Variants in SH3D21 observed in about 807,000 individuals in gnomAD.
SH3D21 encodes manchette microtubule inner protein 1, also known as SH3 domain-containing protein 21.
A neutral mutation model predicts 82.1 loss-of-function variants in SH3D21; 83 were observed. That is an observed-to-expected ratio of 1.01 (90% CI 0.85 to 1.21). SH3D21 has a LOEUF of 1.21. SH3D21 is among the 50% of genes most tolerant of loss of function. The pLI is 0.00. For missense variants in SH3D21, 980 were observed against 962.1 expected (o/e 1.02, Z -0.25); for synonymous variants, 383 against 387.8 (o/e 0.99, Z 0.15).
chr1:36,320,567 C>T lies in SH3D21; in HGVS notation c.1904C>T (p.Pro635Leu). 2 of 1,614,166 alleles carry T rather than the reference C, an allele frequency of 1.2e-6. No homozygotes were observed. Among genetic ancestry groups the T allele is most frequent in the South Asian group, 1.1e-5 (1 of 91,078 alleles). ...GAGGTGACCCTGAAAGAGGAATTGC[C>T]CCCTAAAGAGGAAGTGGCTCCAAAA... is the stretch of plus-strand genomic sequence containing the variant. ...KEEVTLKEEL[P>L]PKEEVAPKEE... The change falls in exon 14 of 16, where the codon CCC (proline) becomes CTC (leucine). Residue 635 changes from proline (P) to leucine (L), a missense_variant. Transcript: ENST00000453908.
In SH3D21 at chr1:36,320,498, T is replaced by A. The variant is rs764141190; in HGVS notation, c.1835T>A (p.Leu612Gln). The A allele has an allele frequency of 1.2e-6, 2 of 1,614,006 alleles. No homozygotes were observed. The highest frequency in any genetic ancestry group is 2.2e-5 in the South Asian group (2 of 91,084). ...GCGCCCCCCAACGAGCAGAGGCCTCTGAGAGAGGAGGTGCTCCCCAAAGAG... is the reference window on the plus strand; with the variant it reads ...GCGCCCCCCAACGAGCAGAGGCCTCAGAGAGAGGAGGTGCTCCCCAAAGAG... Reference protein sequence around the residue: ...EEAPPNEQRPLREEVLPKEGV... With the variant: ...EEAPPNEQRPQREEVLPKEGV... Residue 612 changes from leucine (L) to glutamine (Q), a missense_variant, in exon 14 of 16, where the codon CTG becomes CAG. Transcript: ENST00000453908.
chr1:36,322,228 TG>T, downstream of SH3D21: 1 of 1,414,856 alleles, frequency 7.1e-7, no homozygotes, highest in Non-Finnish European at 9.2e-7. Context: ...TCCGAAGGTG[TG>T]GGGTAGCTCT....
chr1:36,310,354 C>G (rs1180276501), intron 10 of SH3D21, among the ~76,000 whole-genome samples: 1 of 152,070 alleles, frequency 6.6e-6, no homozygotes, highest in African/African-American at 2.4e-5. Flanking sequence ...TGGTTCATGC[C>G]TGTAATCTCA....
chr1:36,315,285 A>G (rs1459741858), intron 10 of SH3D21, among the ~76,000 whole-genome samples: 2 of 151,970 alleles, frequency 1.3e-5, no homozygotes, highest in Non-Finnish European at 2.9e-5. Flanking sequence ...CAAAAAAAAA[A>G]ATCCTTCGCA....
At chr1:36,326,179 G>A (rs1646542343), downstream of SH3D21, among the ~76,000 whole-genome samples, 1 of 152,186 alleles carries the variant, frequency 6.6e-6, no homozygotes, top group South Asian at 2.1e-4. Flanking sequence ...AGTGGCAGGG[G>A]CTGCCCGTGC....
In SH3D21 at chr1:36,319,700, A is replaced by C. The variant is rs760132861; in HGVS notation, c.1037A>C (p.Lys346Thr). 8 of 1,592,694 alleles carry C rather than the reference A, an allele frequency of 5.0e-6. No individual in the cohort carries two copies. In the South Asian group the frequency reaches 8.0e-5, roughly 16 times the overall value. The change falls in exon 14 of 16, where the codon AAG (lysine) becomes ACG (threonine). Residue 346 changes from lysine (K) to threonine (T), a missense_variant. By Grantham distance (78) the Lys-to-Thr change is moderately conservative (BLOSUM62 -1). Coordinates refer to ENST00000453908, the MANE Select transcript of SH3D21 (RefSeq NM_001162530.2). ...SQEEEHSSPV[K>T]APSVKRTPMP... ...GAGGAAGAGCACAGCAGCCCGGTAA[A>C]GGCCCCCTCTGTGAAGAGAACCCCC... is the stretch of plus-strand genomic sequence containing the variant.
At position 36,307,314 on chromosome 1, in the gene SH3D21, G is replaced by T. The variant is rs914467196; in HGVS notation, c.345+29G>T. On this transcript the variant is annotated intron_variant, in intron 4 of 15. Coordinates refer to ENST00000453908, the MANE Select transcript of SH3D21 (RefSeq NM_001162530.2). The surrounding 1 kb of genome is among the most constrained non-coding windows in gnomAD (Gnocchi z 5.4). ...AGGGGTGAGGTGATGGGACCGTTTG[G>T]GGGAGGATGATGGAACGCGCCTCCC... 3 of 1,550,986 alleles carry T rather than the reference G, an allele frequency of 1.9e-6. No individual in the cohort carries two copies. The highest frequency in any genetic ancestry group is 1.7e-4 in the Middle Eastern group (1 of 6,012).
Position 36,320,607 on chromosome 1 carries a change from C to CA in SH3D21, c.1945dup (p.Ile649AsnfsTer38). On this transcript the variant is annotated frameshift_variant, in exon 14 of 16. Transcript: ENST00000453908. LOFTEE classifies it high-confidence loss of function. ...TGGCTCCAAAAGAGGAGGTGCCCCC[C>CA]ATAGAAAGAGCCTTTGCCCAAAAAA... 6.2e-7 allele frequency: 1 copy of CA among 1,614,242 alleles called. No individual in the cohort carries two copies. Among genetic ancestry groups the CA allele is most frequent in the Non-Finnish European group, 8.5e-7 (1 of 1,180,042 alleles).
At chr1:36,328,612 A>T, downstream of SH3D21, 1 of 185,774 alleles carries the variant, frequency 5.4e-6, no homozygotes, top group Non-Finnish European at 1.2e-5. Context: ...TTCTACAGAA[A>T]ACTACAAAAA....
At position 36,319,930 on chromosome 1, in the gene SH3D21, G is replaced by A. The variant is rs571172410; in HGVS notation, c.1267G>A (p.Glu423Lys). The A allele has an allele frequency of 1.9e-6, 3 of 1,614,076 alleles. No homozygotes were observed. In the African/African-American group the frequency reaches 4.0e-5, roughly 22 times the overall value. The part of the protein sequence containing the change: ...VPTPEKMVTP[E>K]DKASIPENSI... ...CACCCCAGAGAAGATGGTGACTCCG[G>A]AGGACAAGGCTTCTATCCCAGAGAA... Residue 423 changes from glutamate to lysine, a missense_variant, in exon 14 of 16, where the codon GAG becomes AAG. Glu to Lys is a moderately conservative substitution (Grantham distance 56). Transcript: ENST00000453908.
In SH3D21 at chr1:36,307,449, G is replaced by C. The variant is rs1374536645; in HGVS notation, c.346-68G>C. ...GGAAGGGGCGCTTGGGCAGAACCAA[G>C]GGTGGCAGATTATCCTAGGGACTCT... On this transcript the variant is annotated intron_variant, in intron 4 of 15. Transcript: ENST00000453908. The surrounding 1 kb of genome is among the most constrained non-coding windows in gnomAD (Gnocchi z 5.4). 61 of 1,528,316 alleles carry C rather than the reference G, an allele frequency of 4.0e-5. No homozygotes were observed. Among genetic ancestry groups the C allele is most frequent in the Non-Finnish European group, 5.3e-5 (60 of 1,129,228 alleles). The allele number at this position is 1,528,316 out of a possible 1,614,324, so 94.7% of individuals were successfully genotyped here.
At position 36,306,397 on chromosome 1, in the gene SH3D21, G is replaced by C; in HGVS notation, c.-24G>C. The C allele has an allele frequency of 7.7e-7, 1 of 1,305,422 alleles. No individual in the cohort carries two copies. Among genetic ancestry groups the C allele is most frequent in the Non-Finnish European group, 1.0e-6 (1 of 988,962 alleles). 80.9% of individuals were successfully genotyped at this position (1,305,422 alleles called of 1,614,324 possible). A position where few individuals can be genotyped will look rare whatever the true frequency, so the allele number is the denominator to read the frequency against. ...CTCGGCCGTCAGAGGGAGCTGCCAGGCTCTGGAGGGCGCCCCGGAAACCAT... is the reference window on the plus strand; with the variant it reads ...CTCGGCCGTCAGAGGGAGCTGCCAGCCTCTGGAGGGCGCCCCGGAAACCAT... On this transcript the variant is annotated 5_prime_UTR_variant, in exon 1 of 16. Coordinates refer to ENST00000453908, the MANE Select transcript of SH3D21 (RefSeq NM_001162530.2). The surrounding 1 kb of genome is among the most constrained non-coding windows in gnomAD (Gnocchi z 4.5).
In SH3D21 at chr1:36,307,776, G is replaced by A. The variant is rs1292321973; in HGVS notation, c.443G>A (p.Gly148Asp). The change falls in exon 6 of 16, where the codon GGT becomes GAT. Residue 148 changes from glycine to aspartate, a missense_variant. Coordinates refer to ENST00000453908, the MANE Select transcript of SH3D21 (RefSeq NM_001162530.2). The surrounding 1 kb of genome is among the most constrained non-coding windows in gnomAD (Gnocchi z 5.4). ...ELLDSGPPSL[G>D]NPDMPSVSPG... ...CCTCACTGTCCCCCACTAGGCCTTG[G>A]TAACCCAGACATGCCTTCAGTCAGC... is the stretch of plus-strand genomic sequence containing the variant. 6 of 1,551,604 alleles carry A rather than the reference G, an allele frequency of 3.9e-6. No individual in the cohort carries two copies. In the East Asian group the frequency reaches 1.5e-4, roughly 38 times the overall value.
At position 36,307,098 on chromosome 1, in the gene SH3D21, C is replaced by G. The variant is rs1179361247; in HGVS notation, c.227-69C>G. On this transcript the variant is annotated intron_variant, in intron 3 of 15. Transcript: ENST00000453908. The surrounding 1 kb of genome is among the most constrained non-coding windows in gnomAD (Gnocchi z 5.4). Reference sequence around the variant, plus strand: ...GAGGGACCAAAGGCTACGTGCGCGCCTTGCGCTTCCCCCAGCTCCTCTGAC... The same window carrying G: ...GAGGGACCAAAGGCTACGTGCGCGCGTTGCGCTTCCCCCAGCTCCTCTGAC... The G allele has an allele frequency of 7.2e-5, 111 of 1,542,084 alleles. No homozygotes were observed. The highest frequency in any genetic ancestry group is 9.2e-5 in the Non-Finnish European group (105 of 1,141,700).
intron 10 of SH3D21, among the ~76,000 whole-genome samples, chr1:36,313,095 C>T (rs1455031114): frequency 2.6e-5 from 4 of 151,850 alleles, no homozygotes; most frequent in Non-Finnish European, 5.9e-5. Context: ...GAGGCTGAGG[C>T]GGGTGGATCA....
At chr1:36,321,438 T>G, downstream of SH3D21, 2 of 1,177,990 alleles carry the variant, frequency 1.7e-6, no homozygotes, top group Non-Finnish European at 2.2e-6. The surrounding 1 kb of genome is among the most constrained non-coding windows in gnomAD (Gnocchi z 6.1). Flanking sequence ...ACTGGAGAAA[T>G]GGCGGGCAGG....
At chr1:36,329,912 C>T (rs1357976425), downstream of SH3D21, among the ~76,000 whole-genome samples, 1 of 152,148 alleles carries the variant, frequency 6.6e-6, no homozygotes, top group Non-Finnish European at 1.5e-5. Context: ...TCTTACAATA[C>T]AGTCCTTTGT....
At chr1:36,324,239 C>T (rs1425253734), downstream of SH3D21, 1 of 152,278 alleles carries the variant, frequency 6.6e-6, no homozygotes, top group African/African-American at 2.4e-5. Flanking sequence ...GGCCAGCAGT[C>T]TCGCAGACCC....
intron 10 of SH3D21, 122 bp downstream of exon 10, chr1:36,309,712 G>A: frequency 1.8e-6 from 2 of 1,081,892 alleles, no homozygotes; most frequent in Non-Finnish European, 2.7e-6. Flanking sequence ...CCCCTCACCT[G>A]TGGGTCAAAA....
Sources: allele counts gnomAD v4.1 joint callset (sites outside exome capture counted in the v4.1 genomes callset), GRCh38; gene constraint gnomAD v4.1.1; non-coding constraint Gnocchi (gnomAD v3.1); transcripts MANE v1.5; gene names NCBI Gene and HGNC (gene_info 2026-07-23, HGNC 2026-07-21).